NSD3: variants seen among roughly 807,000 people sequenced by gnomAD.
NSD3 encodes histone-lysine N-methyltransferase NSD3.
Under a neutral mutation model 160.8 loss-of-function variants are expected in NSD3, and 24 were observed. The observed-to-expected ratio is 0.15, with a 90% CI of 0.11 to 0.21. The LOEUF is 0.21. Among genes scored for constraint, NSD3 ranks in the 10% least tolerant of loss-of-function variants. The pLI is 1.00. For missense variants in NSD3, 1,157 were observed against 1,735.9 expected, an observed-to-expected ratio of 0.67 and a Z score of 5.93; for synonymous variants, 520 against 600.0, an observed-to-expected ratio of 0.87 and a Z score of 1.95.
chr8:38,320,275 A>T (rs1048068951), intron 8 of NSD3: 2 of 152,140 alleles, frequency 1.3e-5, no homozygotes, highest in Non-Finnish European at 2.9e-5. Context: ...TAAATGGTTT[A>T]AAAAATATAA....
At chr8:38,295,689 A>C in intron 16 of NSD3, 107 bp downstream of exon 16, 1 of 965,798 alleles carries the variant, frequency 1.0e-6, no homozygotes, top group African/African-American at 1.7e-5. Flanking sequence ...TTAAGGAAGT[A>C]GGTCCATGCT....
At chr8:38,292,946 T>A (rs1196732768) in intron 16 of NSD3, among the ~76,000 whole-genome samples, 3 of 150,560 alleles carry the variant, frequency 2.0e-5, no homozygotes, top group Non-Finnish European at 4.4e-5. Context: ...CACTCCAGCC[T>A]GGGCGACAGA....
chr8:38,271,756 T>C lies in NSD3; in HGVS notation c.*3885A>G, dbSNP rs1433068559. On this transcript the variant is annotated 3_prime_UTR_variant, in exon 24 of 24. Transcript: ENST00000317025. ...GCCCAGAAATAAAGCAACTTTCCAA[T>C]GTCCTTTTTCTCATATGGAAGTATA... 1 of 152,238 alleles carries C rather than the reference T, an allele frequency of 6.6e-6. No individual in the cohort carries two copies. The highest frequency in any genetic ancestry group is 1.5e-5 in the Non-Finnish European group (1 of 68,048). The allele number at this position is 152,238 out of a possible 1,614,324, so 9.4% of individuals were successfully genotyped here.
intron 1 of NSD3, among the ~76,000 whole-genome samples, chr8:38,367,430 G>C (rs1360160651): frequency 6.6e-6 from 1 of 152,088 alleles, no homozygotes; most frequent in Admixed American, 6.6e-5. Context: ...ACTAACTTTT[G>C]GCCAGGTGTG....
intron 4 of NSD3, among the ~76,000 whole-genome samples, chr8:38,334,196 C>A (rs1810147715): frequency 6.6e-6 from 1 of 151,978 alleles, no homozygotes; most frequent in Non-Finnish European, 1.5e-5. Context: ...TATTATTTGG[C>A]AATAAAAAGG....
intron 2 of NSD3, among the ~76,000 whole-genome samples, chr8:38,346,584 A>G (rs754343477): frequency 1.3e-4 from 20 of 151,872 alleles, no homozygotes; most frequent in Non-Finnish European, 2.5e-4. Flanking sequence ...TAATGAATAA[A>G]TAAGAAAACT....
intron 20 of NSD3, among the ~76,000 whole-genome samples, chr8:38,281,036 G>A (rs879843237): frequency 2.0e-5 from 3 of 151,244 alleles, no homozygotes; most frequent in Non-Finnish European, 4.5e-5. Flanking sequence ...GATTACAGGT[G>A]TAAGCCACCA....
At chr8:38,346,262 T>C (rs1317512682) in intron 2 of NSD3, among the ~76,000 whole-genome samples, 1 of 148,046 alleles carries the variant, frequency 6.8e-6, no homozygotes, top group Non-Finnish European at 1.5e-5. Flanking sequence ...CTTTAGATGC[T>C]ATGAAGACTA....
At chr8:38,376,496 C>T (rs1406041334) in intron 1 of NSD3, among the ~76,000 whole-genome samples, 1 of 151,180 alleles carries the variant, frequency 6.6e-6, no homozygotes, top group Non-Finnish European at 1.5e-5. Flanking sequence ...AGTGCAATGG[C>T]GCGACCTCAG....
At chr8:38,293,147 A>AG (rs1554523000) in intron 16 of NSD3, among the ~76,000 whole-genome samples, 5 of 151,580 alleles carry the variant, frequency 3.3e-5, no homozygotes, top group African/African-American at 4.8e-5. Context: ...AAAAAAAAAA[A>AG]AAAAAGAAAA....
At chr8:38,350,516 C>T (rs1382745869) in intron 1 of NSD3, among the ~76,000 whole-genome samples, 4 of 152,132 alleles carry the variant, frequency 2.6e-5, no homozygotes, top group Non-Finnish European at 4.4e-5. Flanking sequence ...ATCCTTCGCC[C>T]ACTTTTTGAT....
chr8:38,304,449 A>C (rs1237803051), intron 14 of NSD3, 138 bp downstream of exon 14: 2 of 689,486 alleles, frequency 2.9e-6, no homozygotes, highest in African/African-American at 3.7e-5. Context: ...TCTCAGGGAT[A>C]TATTACAGTG....
At chr8:38,338,498 C>T (rs888057586) in intron 3 of NSD3, 38 bp downstream of exon 3, 2 of 1,522,094 alleles carry the variant, frequency 1.3e-6, no homozygotes, top group Non-Finnish European at 1.8e-6. Context: ...CCTTCTTCCA[C>T]CATATTTGGT....
chr8:38,324,910 G>A (rs1046057761), intron 7 of NSD3, among the ~76,000 whole-genome samples: 1 of 152,212 alleles, frequency 6.6e-6, no homozygotes, highest in Non-Finnish European at 1.5e-5. Flanking sequence ...CTGTAGGGTG[G>A]CATGGCCAGA....
rs923656862 is a variant in NSD3, at chr8:38,275,505, G to C, written c.*136C>G. ...CACCACCAACTGCTTCTGCCTGCAT[G>C]AACTGGTTTCCCATTTTTGCTTTAA... is the stretch of plus-strand genomic sequence containing the variant. On this transcript the variant is annotated 3_prime_UTR_variant, in exon 24 of 24. Coordinates refer to ENST00000317025, the MANE Select transcript of NSD3 (RefSeq NM_023034.2). 1.1e-5 allele frequency: 9 copies of C among 786,586 alleles called. No homozygotes were observed. In the African/African-American group the frequency reaches 1.6e-4, roughly 14 times the overall value. 48.7% of individuals were successfully genotyped at this position (786,586 alleles called of 1,614,324 possible). A position where few individuals can be genotyped will look rare whatever the true frequency, so the allele number is the denominator to read the frequency against.
rs1808468298 is a variant in NSD3 at position 38,271,312 on chromosome 8, G to T, written c.*4329C>A. The T allele has an allele frequency of 6.6e-6, 1 of 152,108 alleles. No homozygotes were observed. Among genetic ancestry groups the T allele is most frequent in the Non-Finnish European group, 1.5e-5 (1 of 68,020 alleles). 9.4% of individuals were successfully genotyped at this position (152,108 alleles called of 1,614,324 possible). On this transcript the variant is annotated 3_prime_UTR_variant, in exon 24 of 24. Coordinates refer to ENST00000317025, the MANE Select transcript of NSD3 (RefSeq NM_023034.2). ...GAAACTAAAATAAGGAGAATCTGAAGAGTTTCAAGTACTTAAAAAACCTGA... is the reference window on the plus strand; with the variant it reads ...GAAACTAAAATAAGGAGAATCTGAATAGTTTCAAGTACTTAAAAAACCTGA...
chr8:38,293,442 C>T (rs529032574), intron 16 of NSD3, among the ~76,000 whole-genome samples: 23 of 146,810 alleles, frequency 1.6e-4, no homozygotes, highest in African/African-American at 5.0e-4. Context: ...CCCAGCTACT[C>T]GGGGGGCTGA....
At position 38,319,801 on chromosome 8, in the gene NSD3, CAT is replaced by C. The variant is rs1481416861; in HGVS notation, c.1810-863_1810-862del. 2 of 151,964 alleles carry C rather than the reference CAT, an allele frequency of 1.3e-5. No individual in the cohort carries two copies. The highest frequency in any genetic ancestry group is 1.5e-5 in the Non-Finnish European group (1 of 67,966). 9.4% of individuals were successfully genotyped at this position (151,964 alleles called of 1,614,324 possible). A position where few individuals can be genotyped will look rare whatever the true frequency, so the allele number is the denominator to read the frequency against. On this transcript the variant is annotated intron_variant, in intron 8 of 23. Coordinates refer to ENST00000317025, the MANE Select transcript of NSD3 (RefSeq NM_023034.2). This position sits in a 1 kb window ranked among gnomAD's most constrained non-coding sequence, Gnocchi z 4.1. ...ATTTTTTTTACAACAGGTAAAAAAA[CAT>C]ACAACAGAAACGCTTTTATAAGATA...
At chr8:38,347,374 G>A in intron 2 of NSD3, 123 bp downstream of exon 2, 2 of 988,480 alleles carry the variant, frequency 2.0e-6, no homozygotes, top group Admixed American at 2.7e-5. Context: ...TGAGCACGTT[G>A]CTAGTGATTA....
Sources: allele counts gnomAD v4.1 joint callset (sites outside exome capture counted in the v4.1 genomes callset), GRCh38; gene constraint gnomAD v4.1.1; non-coding constraint Gnocchi (gnomAD v3.1); transcripts MANE v1.5; gene names NCBI Gene and HGNC (gene_info 2026-07-23, HGNC 2026-07-21).